The following SMARCA2 variants were observed in gnomAD, a reference collection of about 807,000 sequenced individuals.
SMARCA2 encodes SWI/SNF-related matrix-associated actin-dependent regulator of chromatin subfamily A member 2.
Under a neutral mutation model 199.8 loss-of-function variants are expected in SMARCA2, and 61 were observed. The ratio of observed to expected loss-of-function variants is 0.31; its 90% confidence interval spans 0.25 to 0.38. The LOEUF is 0.38. Among genes scored for constraint, SMARCA2 ranks in the 10% least tolerant of loss-of-function variants. The pLI, the probability that SMARCA2 is intolerant of heterozygous loss-of-function variation, is 1.00. For synonymous variants in SMARCA2, 935 were observed against 732.0 expected (o/e 1.28, Z -4.48); for missense variants, 1,344 against 2,012.2 (o/e 0.67, Z 6.35).
rs746160636 is a variant in SMARCA2, at chr9:2,047,498, C to T, written c.1046+14C>T. The T allele has an allele frequency of 7.1e-7, 1 of 1,400,862 alleles. No individual in the cohort carries two copies. The highest frequency in any genetic ancestry group is 2.7e-5 in the Admixed American group (1 of 37,358). The allele number at this position is 1,400,862 out of a possible 1,614,324, so 86.8% of individuals were successfully genotyped here. A position where few individuals can be genotyped will look rare whatever the true frequency, so the allele number is the denominator to read the frequency against. ...GCGGGAATACAGGTAACGCACCCCGCCAGCAAGGGGCCCCCTGCGGTGTGC... is the reference window on the plus strand; with the variant it reads ...GCGGGAATACAGGTAACGCACCCCGTCAGCAAGGGGCCCCCTGCGGTGTGC... On this transcript the variant is annotated intron_variant, in intron 5 of 33. Coordinates refer to ENST00000349721, the MANE Select transcript of SMARCA2 (RefSeq NM_003070.5).
intron 27 of SMARCA2, among the ~76,000 whole-genome samples, chr9:2,137,660 C>G (rs1824263330): frequency 6.6e-6 from 1 of 152,236 alleles, no homozygotes; most frequent in South Asian, 2.1e-4. Flanking sequence ...AGTTATCTTA[C>G]TGTTCCTCTC....
chr9:2,186,270 T>C, intron 32 of SMARCA2, 42 bp downstream of exon 32: 1 of 1,582,094 alleles, frequency 6.3e-7, no homozygotes, highest in East Asian at 2.3e-5. Context: ...TTGCCCCTCC[T>C]CACCTGCATA....
rs1031459282 is a variant in SMARCA2 at position 2,110,134 on chromosome 9, C to T, written c.3293-120C>T. 1.6e-5 allele frequency: 10 copies of T among 627,364 alleles called. No homozygotes were observed. The highest frequency in any genetic ancestry group is 2.3e-5 in the Non-Finnish European group (9 of 388,898). 38.9% of individuals were successfully genotyped at this position (627,364 alleles called of 1,614,324 possible). A position where few individuals can be genotyped will look rare whatever the true frequency, so the allele number is the denominator to read the frequency against. On this transcript the variant is annotated intron_variant, in intron 23 of 33. Coordinates refer to ENST00000349721, the MANE Select transcript of SMARCA2 (RefSeq NM_003070.5). This position sits in a 1 kb window ranked among gnomAD's most constrained non-coding sequence, Gnocchi z 4.8. ...CAGAAGTACAAAGCCCTGGAAATTA[C>T]CTCACCAGTGTTAGGAGGAGTCTGG... is the stretch of plus-strand genomic sequence containing the variant.
intron 27 of SMARCA2, chr9:2,159,656 A>T (rs1825562674): frequency 1.6e-5 from 13 of 825,766 alleles, no homozygotes; most frequent in Non-Finnish European, 2.2e-5. Flanking sequence ...CAATATTAAA[A>T]CAGGCTGAAG....
intron 9 of SMARCA2, among the ~76,000 whole-genome samples, chr9:2,069,525 C>T (rs137894305): frequency 0.046 from 6,891 of 150,798 alleles, 529 homozygotes; most frequent in African/African-American, 0.16. Context: ...GGCCACCGCA[C>T]TCCAGCCTGG....
At chr9:2,094,626 C>G (rs906077148) in intron 19 of SMARCA2, among the ~76,000 whole-genome samples, 1 of 152,204 alleles carries the variant, frequency 6.6e-6, no homozygotes, top group Non-Finnish European at 1.5e-5. Flanking sequence ...AGAGTGGATT[C>G]TATTTCAAAT....
At chr9:2,078,270 G>A (rs556443512) in intron 14 of SMARCA2, among the ~76,000 whole-genome samples, 15 of 152,132 alleles carry the variant, frequency 9.9e-5, no homozygotes, top group African/African-American at 2.9e-4. Context: ...TCAGGAGCTC[G>A]AGACCAGCCT....
intron 27 of SMARCA2, among the ~76,000 whole-genome samples, chr9:2,149,109 G>T (rs951833142): frequency 5.3e-5 from 8 of 151,142 alleles, no homozygotes; most frequent in African/African-American, 2.0e-4. Context: ...GGGAAGAAAA[G>T]GAGGTTTAAT....
chr9:2,159,550 G>C, intron 27 of SMARCA2: 1 of 330,372 alleles, frequency 3.0e-6, no homozygotes, highest in Non-Finnish European at 5.5e-6. Context: ...TGGCTTAATT[G>C]TTAAAATGCG....
chr9:2,129,086 C>T (rs1432391522), intron 27 of SMARCA2, among the ~76,000 whole-genome samples: 1 of 152,142 alleles, frequency 6.6e-6, no homozygotes, highest in Non-Finnish European at 1.5e-5. Flanking sequence ...AGGCAAGTGC[C>T]ATTAGCAACG....
intron 3 of SMARCA2, among the ~76,000 whole-genome samples, chr9:2,035,783 A>G (rs1049641289): frequency 2.6e-5 from 4 of 152,250 alleles, no homozygotes; most frequent in African/African-American, 7.2e-5. Context: ...AACATGTAAT[A>G]TTCTCTAAAA....
intron 27 of SMARCA2, among the ~76,000 whole-genome samples, chr9:2,124,588 G>C (rs1458881514): frequency 6.6e-6 from 1 of 152,178 alleles, no homozygotes; most frequent in African/African-American, 2.4e-5. Context: ...ATTTCCGCTT[G>C]ATCTGATCTG....
At position 2,149,593 on chromosome 9, in the gene SMARCA2, A is replaced by G. The variant is rs372231618; in HGVS notation, c.3982-12093A>G. 9.9e-5 allele frequency among the ~76,000 whole-genome samples: 15 copies of G among 151,710 alleles called. 2 individuals are homozygous for G. The highest frequency in any genetic ancestry group is 3.6e-4 in the African/African-American group (15 of 41,496). ...AAGATTTATTCACTACCATGAGAAC[A>G]GTGTGAGGGAAACCGCTCCCATGAT... On this transcript the variant is annotated intron_variant, in intron 27 of 33. Transcript: ENST00000349721.
intron 27 of SMARCA2, among the ~76,000 whole-genome samples, chr9:2,157,178 C>G (rs1475477893): frequency 2.0e-5 from 3 of 152,186 alleles, no homozygotes; most frequent in Non-Finnish European, 4.4e-5. Context: ...GAAAATCTCT[C>G]ATATATGAAA....
chr9:2,132,781 T>C (rs2130656627), intron 27 of SMARCA2, among the ~76,000 whole-genome samples: 1 of 152,346 alleles, frequency 6.6e-6, no homozygotes, highest in Non-Finnish European at 1.5e-5. Flanking sequence ...TTAAGAGTGG[T>C]AACAGTTGTG....
chr9:2,166,996 G>C (rs533100623), intron 28 of SMARCA2, among the ~76,000 whole-genome samples: 1 of 152,324 alleles, frequency 6.6e-6, no homozygotes, highest in South Asian at 2.1e-4. Flanking sequence ...TTTCTAAATA[G>C]CCCTGTGGCA....
chr9:2,191,365 C>T lies in SMARCA2; in HGVS notation c.4694C>T (p.Pro1565Leu). The T allele has an allele frequency of 1.2e-6, 2 of 1,614,176 alleles. No homozygotes were observed. The highest frequency in any genetic ancestry group is 1.7e-6 in the Non-Finnish European group (2 of 1,180,018). The change falls in exon 33 of 34, where the codon CCT becomes CTT. Residue 1565 changes from proline to leucine, a missense_variant. Physicochemically the swap from Pro to Leu is moderately conservative, Grantham distance 98 (BLOSUM62 -3). Transcript: ENST00000349721. ...AGGCCAAATCGAGGAAAAGCCAAACCTGTAGTGAGCGATTTTGACAGCGAT... is the reference window on the plus strand; with the variant it reads ...AGGCCAAATCGAGGAAAAGCCAAACTTGTAGTGAGCGATTTTGACAGCGAT... ...KKRPNRGKAK[P>L]VVSDFDSDEE...
chr9:2,100,244 G>A (rs1403728083), intron 21 of SMARCA2, among the ~76,000 whole-genome samples: 3 of 152,314 alleles, frequency 2.0e-5, no homozygotes, highest in African/African-American at 7.2e-5. Context: ...AAGTCAGAAT[G>A]GAGAAATGCG....
intron 17 of SMARCA2, 30 bp downstream of exon 17, chr9:2,084,226 A>G (rs1210851885): frequency 8.5e-7 from 1 of 1,170,842 alleles, no homozygotes; most frequent in Non-Finnish European, 1.3e-6. Context: ...TTTTCTCTCT[A>G]ATTAGGACCA....
Sources: gnomAD v4.1 joint callset for allele counts (sites outside exome capture counted in the v4.1 genomes callset) on GRCh38, gnomAD v4.1.1 for gene constraint, Gnocchi (gnomAD v3.1) non-coding constraint, MANE v1.5 for transcripts, NCBI Gene and HGNC (gene_info 2026-07-23, HGNC 2026-07-21) for gene names.